ZNF117: variants seen among roughly 807,000 people sequenced by gnomAD.
The protein encoded by ZNF117 is Krueppel-related zinc finger protein.
Under a neutral mutation model 41.2 loss-of-function variants are expected in ZNF117, and 37 were observed. The ratio of observed to expected loss-of-function variants is 0.90; its 90% CI spans 0.69 to 1.18. The LOEUF (loss-of-function observed/expected upper bound fraction) is 1.18, where lower values mean the gene tolerates loss of function less well. Ranked by LOEUF, ZNF117 falls within the 50% of genes most tolerant of loss-of-function variation. ZNF117 has a pLI of 0.00. For missense variants in ZNF117, 546 were observed against 557.5 expected, an observed-to-expected ratio of 0.98 and a Z score of 0.21; for synonymous variants, 186 against 186.6, an observed-to-expected ratio of 1.00 and a Z score of 0.02.
At position 64,978,838 on chromosome 7, in the gene ZNF117, C is replaced by T. The variant is rs191281341; in HGVS notation, c.733G>A (p.Gly245Arg). 5.0e-4 allele frequency: 813 copies of T among 1,613,500 alleles called. No homozygotes were observed. The African/African-American group carries it at 8.3e-3, about 17-fold the overall frequency. The change falls in exon 3 of 3, where the codon GGA becomes AGA. Residue 245 changes from glycine to arginine, a missense_variant. Physicochemically the swap from Gly to Arg is moderately radical, Grantham distance 125 (BLOSUM62 -2). Transcript: ENST00000620222. ...TCTTCACATTCATAACGTTTCTCTC[C>T]GGTATGAATTAACTTATGTTCAGTA...
chr7:64,978,460 T>C, exon 3 of ZNF117: 10 of 1,613,660 alleles, frequency 6.2e-6, no homozygotes, highest in Non-Finnish European at 8.5e-6. Flanking sequence ...GAGGACTGGT[T>C]AAAGGCTTTG....
chr7:64,989,287 G>A (rs750336726), intron 1 of ZNF117, among the ~76,000 whole-genome samples: 1 of 150,810 alleles, frequency 6.6e-6, no homozygotes, highest in Admixed American at 6.6e-5. Context: ...CTTCAACAAA[G>A]CTTACAAGAG....
chr7:64,986,755 G>A (rs1786144583), upstream of ZNF117, among the ~76,000 whole-genome samples: 1 of 152,090 alleles, frequency 6.6e-6, no homozygotes, highest in Non-Finnish European at 1.5e-5. Flanking sequence ...GGTTTAATGA[G>A]TTTGGGCTCT....
At chr7:64,976,936 G>T in exon 3 of ZNF117, 1 of 527,832 alleles carries the variant, frequency 1.9e-6, no homozygotes. Flanking sequence ...TGTGGAGTAA[G>T]GGTTGATGAT....
At chr7:64,990,689 G>A (rs762261169) in exon 1 of ZNF117, 1 of 152,290 alleles carries the variant, frequency 6.6e-6, no homozygotes, top group Non-Finnish European at 1.5e-5. Flanking sequence ...AAATAGTTGT[G>A]AGAGCAGAAC....
At chr7:64,981,196 A>G (rs1786024685) in intron 2 of ZNF117, 191 bp downstream of exon 3, 1 of 683,460 alleles carries the variant, frequency 1.5e-6, no homozygotes. Flanking sequence ...ACTAAAGGGA[A>G]AGAGGAATCC....
At chr7:64,988,413 G>A (rs145541379) in intron 1 of ZNF117, among the ~76,000 whole-genome samples, 6 of 152,212 alleles carry the variant, frequency 3.9e-5, no homozygotes, top group South Asian at 2.1e-4. Flanking sequence ...CATCTTTCAC[G>A]TTAAAAACCT....
upstream of ZNF117, among the ~76,000 whole-genome samples, chr7:64,984,677 T>C (rs1351542315): frequency 6.6e-6 from 1 of 152,198 alleles, no homozygotes; most frequent in African/African-American, 2.4e-5. Flanking sequence ...GATATAAATA[T>C]CTAAGTATAA....
chr7:64,972,178 T>C (rs765090706), downstream of ZNF117: 7 of 152,078 alleles, frequency 4.6e-5, no homozygotes, highest in Non-Finnish European at 1.0e-4. Flanking sequence ...AAAGTGTTAG[T>C]CAAAGTATGA....
chr7:64,978,415 C>T, exon 3 of ZNF117: 1 of 1,613,612 alleles, frequency 6.2e-7, no homozygotes, highest in South Asian at 1.1e-5. Context: ...TGGGGATTCT[C>T]TCCAGTATGG....
downstream of ZNF117, chr7:64,971,832 T>G (rs1027225010): frequency 9.2e-5 from 14 of 151,860 alleles, no homozygotes; most frequent in Admixed American, 7.2e-4. Flanking sequence ...AAAAGAAAAA[T>G]AGATACGTTA....
At chr7:64,979,340 C>T in exon 3 of ZNF117, 3 of 1,593,742 alleles carry the variant, frequency 1.9e-6, no homozygotes, top group Non-Finnish European at 2.6e-6. Flanking sequence ...ATATTTTGCT[C>T]AAGGTAGTTT....
exon 3 of ZNF117, chr7:64,977,103 T>C (rs1785906216): frequency 1.9e-6 from 1 of 513,344 alleles, no homozygotes; most frequent in Non-Finnish European, 4.0e-6. Context: ...TATAGCAAGG[T>C]GTGAGAACTG....
chr7:64,987,929 C>A (rs1032755876), intron 1 of ZNF117, among the ~76,000 whole-genome samples: 2 of 151,326 alleles, frequency 1.3e-5, no homozygotes, highest in African/African-American at 4.9e-5. Context: ...TCTGAGTAGA[C>A]CAATAACAAA....
rs1786033616 is a variant in ZNF117 at position 64,981,521 on chromosome 7, A to G, written c.-62-39T>C. The G allele has an allele frequency of 1.8e-5, 26 of 1,481,180 alleles. No homozygotes were observed. The South Asian group carries it at 3.0e-4, about 17-fold the overall frequency. The allele number at this position is 1,481,180 out of a possible 1,614,324, so 91.8% of individuals were successfully genotyped here. A position where few individuals can be genotyped will look rare whatever the true frequency, so the allele number is the denominator to read the frequency against. The stretch of plus-strand genomic sequence containing the variant: ...AATAAATAACATAAATCTTGCACAT[A>G]TTCTCCAATTACCAACTTGGTAATG... On this transcript the variant is annotated intron_variant, in intron 1 of 2. Transcript: ENST00000620222.
exon 3 of ZNF117, chr7:64,978,975 C>T (rs1340775301): frequency 6.2e-7 from 1 of 1,613,278 alleles, no homozygotes; most frequent in Non-Finnish European, 8.5e-7. Flanking sequence ...AAAGGCTTTG[C>T]CACATTCTTC....
At chr7:64,989,512 A>G (rs1786217132) in intron 1 of ZNF117, among the ~76,000 whole-genome samples, 1 of 127,582 alleles carries the variant, frequency 7.8e-6, no homozygotes, top group African/African-American at 2.9e-5. Context: ...ACCTGAAAAT[A>G]ATCTAGAAAA....
At chr7:64,986,884 C>T (rs1381092739), upstream of ZNF117, among the ~76,000 whole-genome samples, 1 of 152,020 alleles carries the variant, frequency 6.6e-6, no homozygotes, top group African/African-American at 2.4e-5. Flanking sequence ...CTATTAGACA[C>T]ATTTTTGAGG....
Position 64,990,202 on chromosome 7 carries a change from A to G in ZNF117, c.-451T>C, listed in dbSNP as rs1372273840. ...ATATGAAAACAAAATTCACGTTGTT[A>G]ATTATTAGAAAAATGCAGAGAAAAA... On this transcript the variant is annotated 5_prime_UTR_variant, in exon 1 of 4. An upstream open reading frame in the 5' UTR loses its in-frame stop. Coordinates refer to the ZNF117 transcript ENST00000282869. The G allele has an allele frequency of 6.6e-6, 1 of 152,266 alleles. No homozygotes were observed. Among genetic ancestry groups the G allele is most frequent in the African/African-American group, 2.4e-5 (1 of 41,478 alleles). The allele number at this position is 152,266 out of a possible 1,614,324, so 9.4% of individuals were successfully genotyped here.
Sources: allele counts gnomAD v4.1 joint callset (sites outside exome capture counted in the v4.1 genomes callset), GRCh38; gene constraint gnomAD v4.1.1; transcripts MANE v1.5; gene names NCBI Gene and HGNC (gene_info 2026-07-23, HGNC 2026-07-21).